Variants in MIR2052HG observed in about 807,000 individuals in gnomAD.
MIR2052HG encodes MIR2052 host gene.
intron 1 of MIR2052HG, chr8:74,612,795 A>G (rs553147275): frequency 1.5e-4 from 65 of 435,498 alleles, no homozygotes; most frequent in Admixed American, 9.2e-4. Flanking sequence ...GAGTGTAGTA[A>G]AAGAAGCAGG....
intron 1 of MIR2052HG, among the ~76,000 whole-genome samples, chr8:74,608,186 G>C (rs60531252): frequency 0.1 from 15,917 of 152,146 alleles, 1,332 homozygotes; most frequent in African/African-American, 0.23. Flanking sequence ...TTCGGTGGGT[G>C]AGAGTTCTGC....
chr8:74,704,309 A>C (rs1009826704), intron 4 of MIR2052HG, among the ~76,000 whole-genome samples: 1 of 152,042 alleles, frequency 6.6e-6, no homozygotes, highest in Non-Finnish European at 1.5e-5. Flanking sequence ...GGGACAGTGC[A>C]TCTTGAGGAA....
chr8:74,674,979 A>G (rs1004034658), intron 2 of MIR2052HG, among the ~76,000 whole-genome samples: 10 of 152,126 alleles, frequency 6.6e-5, no homozygotes, highest in African/African-American at 2.4e-4. Context: ...AATGATTAAC[A>G]GGTTCTAATT....
At chr8:74,752,951 G>C (rs1157411944) in intron 5 of MIR2052HG, among the ~76,000 whole-genome samples, 2 of 152,176 alleles carry the variant, frequency 1.3e-5, no homozygotes, top group African/African-American at 4.8e-5. Context: ...TTATGCAAGT[G>C]ACTATTTAGC....
chr8:74,744,937 T>A (rs1214846753), intron 4 of MIR2052HG, among the ~76,000 whole-genome samples: 1 of 152,188 alleles, frequency 6.6e-6, no homozygotes, highest in Non-Finnish European at 1.5e-5. Context: ...ATGTGGAAAC[T>A]ACTTTTCTTC....
intron 4 of MIR2052HG, among the ~76,000 whole-genome samples, chr8:74,735,401 T>C (rs1270998567): frequency 6.6e-6 from 1 of 152,132 alleles, no homozygotes; most frequent in Non-Finnish European, 1.5e-5. Flanking sequence ...TCTTAGAAAG[T>C]ATACAGTCCT....
chr8:74,707,341 C>T (rs56350182), intron 4 of MIR2052HG, among the ~76,000 whole-genome samples: 1,596 of 152,150 alleles, frequency 0.01, 31 homozygotes, highest in African/African-American at 0.036. Flanking sequence ...AGAGTGATAG[C>T]CACTGTTATA....
chr8:74,727,788 G>A (rs1809652021), intron 4 of MIR2052HG, among the ~76,000 whole-genome samples: 1 of 152,190 alleles, frequency 6.6e-6, no homozygotes, highest in Admixed American at 6.5e-5. Flanking sequence ...TCTGGGGTGT[G>A]TTTGGATTAT....
chr8:74,648,732 G>A lies in MIR2052HG; in HGVS notation n.216+35792G>A, dbSNP rs112001737. Among the ~76,000 whole-genome samples the A allele has an allele frequency of 8.4e-4, 127 of 151,720 alleles. 1 individual carries two copies. In the East Asian group the frequency reaches 0.014, roughly 17 times the overall value. ...TATTGGGGGCTGGTTCCCCCGATACGTATTATTTTCTTATATTTCATTGGG... is the reference window on the plus strand; with the variant it reads ...TATTGGGGGCTGGTTCCCCCGATACATATTATTTTCTTATATTTCATTGGG... On this transcript the variant is annotated intron_variant and non_coding_transcript_variant, in intron 2 of 6. Transcript: ENST00000523442.
intron 2 of MIR2052HG, among the ~76,000 whole-genome samples, chr8:74,700,570 C>G (rs868867710): frequency 6.6e-6 from 1 of 152,194 alleles, no homozygotes. Flanking sequence ...AATTAAATCA[C>G]TATTTTATAT....
At chr8:74,615,784 C>T (rs1808272593) in intron 2 of MIR2052HG, among the ~76,000 whole-genome samples, 1 of 150,586 alleles carries the variant, frequency 6.6e-6, no homozygotes, top group South Asian at 2.1e-4. Flanking sequence ...ACAACAGGCC[C>T]TGGTGTGTGA....
intron 2 of MIR2052HG, among the ~76,000 whole-genome samples, chr8:74,623,945 G>A (rs12115096): frequency 6.6e-6 from 1 of 152,082 alleles, no homozygotes; most frequent in African/African-American, 2.4e-5. Flanking sequence ...AATTAGAAAG[G>A]TACTTTTTCT....
intron 1 of MIR2052HG, chr8:74,603,552 A>C: frequency 6.5e-7 from 1 of 1,528,134 alleles, no homozygotes; most frequent in Non-Finnish European, 9.1e-7. Flanking sequence ...CCAAACCTGC[A>C]CTGAATCCAG....
chr8:74,660,633 G>C (rs771795227), intron 2 of MIR2052HG, among the ~76,000 whole-genome samples: 77 of 152,294 alleles, frequency 5.1e-4, no homozygotes, highest in East Asian at 5.8e-4. Flanking sequence ...AGGATGCCAA[G>C]ATTGGAAAGG....
At chr8:74,657,925 T>C (rs1175012373) in intron 2 of MIR2052HG, among the ~76,000 whole-genome samples, 1 of 152,138 alleles carries the variant, frequency 6.6e-6, no homozygotes. Flanking sequence ...CCCTAGGTGA[T>C]TCACATGTTC....
chr8:74,681,457 C>G (rs76238560), intron 2 of MIR2052HG, among the ~76,000 whole-genome samples: 2,635 of 152,126 alleles, frequency 0.017, 35 homozygotes, highest in African/African-American at 0.035. Flanking sequence ...ATCAAGAGAG[C>G]CTGGTATTAA....
chr8:74,671,703 T>C (rs754625431), intron 2 of MIR2052HG, among the ~76,000 whole-genome samples: 2 of 152,152 alleles, frequency 1.3e-5, no homozygotes, highest in Non-Finnish European at 2.9e-5. Context: ...TTTGTGGTGG[T>C]TGAGGTTTAG....
chr8:74,706,452 C>T (rs150651358), intron 4 of MIR2052HG, among the ~76,000 whole-genome samples: 4 of 152,130 alleles, frequency 2.6e-5, no homozygotes, highest in Middle Eastern at 3.4e-3. Flanking sequence ...AATTAATTAG[C>T]GTTCACTTCC....
intron 2 of MIR2052HG, among the ~76,000 whole-genome samples, chr8:74,684,401 G>A (rs557311402): frequency 2.0e-5 from 3 of 152,098 alleles, no homozygotes; most frequent in Non-Finnish European, 4.4e-5. Flanking sequence ...CTAACGTTCC[G>A]TTCGCTAAAT....
Sources: allele counts gnomAD v4.1 joint callset (sites outside exome capture counted in the v4.1 genomes callset), GRCh38; gene constraint gnomAD v4.1.1; transcripts MANE v1.5; gene names NCBI Gene and HGNC (gene_info 2026-07-23, HGNC 2026-07-21).